Variants in EYS observed in about 807,000 individuals in gnomAD.
EYS encodes protein eyes shut homolog.
In EYS, 250 loss-of-function variants were observed where a neutral mutation model predicts 282.1. The observed-to-expected ratio is 0.89, with a 90% CI of 0.80 to 0.98. The LOEUF is 0.98. EYS is among the 50% of genes least tolerant of loss of function. The pLI is 0.00. For synonymous variants in EYS, 1,355 were observed against 1,282.9 expected (o/e 1.06, Z -1.20); for missense variants, 4,016 against 3,709.0 (o/e 1.08, Z -2.15).
intron 26 of EYS, among the ~76,000 whole-genome samples, chr6:64,443,494 A>T (rs901278061): frequency 1.3e-5 from 2 of 152,160 alleles, no homozygotes; most frequent in African/African-American, 4.8e-5. Context: ...AGTTTTGGGA[A>T]GGGCCAGGTG....
intron 2 of EYS, among the ~76,000 whole-genome samples, chr6:65,632,517 G>A (rs1361407735): frequency 6.6e-6 from 1 of 152,068 alleles, no homozygotes; most frequent in African/African-American, 2.4e-5. Context: ...CCTTGGTGCG[G>A]GTGAGCATGT....
At chr6:65,228,477 T>C (rs1766685629) in intron 12 of EYS, among the ~76,000 whole-genome samples, 1 of 152,032 alleles carries the variant, frequency 6.6e-6, no homozygotes, top group Admixed American at 6.6e-5. Flanking sequence ...ATAGATATAT[T>C]GTGGTCATGG....
chr6:64,837,732 G>A (rs1051389607), intron 19 of EYS, among the ~76,000 whole-genome samples: 3 of 147,468 alleles, frequency 2.0e-5, no homozygotes, highest in African/African-American at 5.0e-5. Flanking sequence ...AAAACTTTTG[G>A]AATCAACATA....
chr6:64,438,067 T>C (rs1188337876), intron 27 of EYS, among the ~76,000 whole-genome samples: 1 of 151,684 alleles, frequency 6.6e-6, no homozygotes, highest in African/African-American at 2.4e-5. Flanking sequence ...AGCAGGGATA[T>C]GAGAAAATTT....
chr6:64,250,999 A>G (rs1397098495), intron 30 of EYS, among the ~76,000 whole-genome samples: 1 of 152,182 alleles, frequency 6.6e-6, no homozygotes, highest in Non-Finnish European at 1.5e-5. Context: ...GGGAAAGGAC[A>G]GTTCATAGAT....
At chr6:63,775,942 G>A (rs1170300750) in intron 40 of EYS, among the ~76,000 whole-genome samples, 5 of 152,130 alleles carry the variant, frequency 3.3e-5, no homozygotes, top group African/African-American at 1.2e-4. Flanking sequence ...TGGCTCTGTA[G>A]TATATCTTCA....
intron 26 of EYS, among the ~76,000 whole-genome samples, chr6:64,551,203 CATAT>C (rs112621961): frequency 6.8e-6 from 1 of 147,712 alleles, no homozygotes. Context: ...TATATACACA[CATAT>C]ATATATATAC....
intron 12 of EYS, among the ~76,000 whole-genome samples, chr6:65,225,884 C>T (rs972100863): frequency 1.3e-5 from 2 of 151,956 alleles, no homozygotes; most frequent in Non-Finnish European, 2.9e-5. Context: ...TACAAGGGAA[C>T]TTCTTTAACA....
At chr6:64,409,011 T>C (rs1773805614) in intron 28 of EYS, among the ~76,000 whole-genome samples, 1 of 152,124 alleles carries the variant, frequency 6.6e-6, no homozygotes, top group Admixed American at 6.6e-5. Flanking sequence ...GTGTACTCAT[T>C]GTTTAGCTCT....
chr6:64,375,510 C>T (rs1379043767), intron 29 of EYS, among the ~76,000 whole-genome samples: 1 of 152,174 alleles, frequency 6.6e-6, no homozygotes, highest in Non-Finnish European at 1.5e-5. Context: ...CAGAGTTTAA[C>T]CTAGGCTTGC....
intron 11 of EYS, among the ~76,000 whole-genome samples, chr6:65,309,741 G>A (rs1350745312): frequency 1.4e-4 from 22 of 152,192 alleles, no homozygotes; most frequent in African/African-American, 4.1e-4. Context: ...CAAGCTTCCC[G>A]GTAAAAATTC....
At chr6:65,613,434 T>C (rs1453804577) in intron 2 of EYS, among the ~76,000 whole-genome samples, 2 of 151,814 alleles carry the variant, frequency 1.3e-5, no homozygotes, top group African/African-American at 2.4e-5. Context: ...ATCTGCAGTG[T>C]GGGAAATCTG....
chr6:64,672,289 A>G (rs1475281159), intron 22 of EYS, among the ~76,000 whole-genome samples: 4 of 152,210 alleles, frequency 2.6e-5, no homozygotes, highest in Admixed American at 2.6e-4. Flanking sequence ...CAAGACTCAA[A>G]TGCATTAGCC....
At chr6:64,643,122 C>CCA (rs1554188072) in intron 22 of EYS, among the ~76,000 whole-genome samples, 22 of 146,808 alleles carry the variant, frequency 1.5e-4, no homozygotes, top group East Asian at 6.2e-4. Context: ...TCCCCCCCCC[C>CCA]AAAAAAAAAC....
At chr6:64,884,714 A>G (rs1767033325) in intron 19 of EYS, among the ~76,000 whole-genome samples, 1 of 151,638 alleles carries the variant, frequency 6.6e-6, no homozygotes, top group Non-Finnish European at 1.5e-5. Context: ...AATACATGTA[A>G]CTTTCTTGAG....
chr6:65,125,463 A>G (rs1375039684), intron 12 of EYS, among the ~76,000 whole-genome samples: 1 of 152,310 alleles, frequency 6.6e-6, no homozygotes, highest in African/African-American at 2.4e-5. Flanking sequence ...ATTATGATGA[A>G]GTTATCAATG....
In EYS at chr6:64,452,488, C is replaced by G. The variant is rs144667241; in HGVS notation, c.5645-13136G>C. Reference sequence around the variant, plus strand: ...CTATCAAGCTACCAATGGCTTTCTTCACAGAATTGGAAAAAACTACTTTCA... The same window carrying G: ...CTATCAAGCTACCAATGGCTTTCTTGACAGAATTGGAAAAAACTACTTTCA... On this transcript the variant is annotated intron_variant, in intron 26 of 42. Coordinates refer to ENST00000503581, the MANE Select transcript of EYS (RefSeq NM_001142800.2). Among the ~76,000 whole-genome samples the G allele has an allele frequency of 8.1e-3, 1,239 of 152,232 alleles. 19 individuals carry two copies. The highest frequency in any genetic ancestry group is 0.049 in the East Asian group (251 of 5,172).
chr6:64,988,493 A>G (rs1007437411), intron 14 of EYS, among the ~76,000 whole-genome samples: 6 of 151,558 alleles, frequency 4.0e-5, no homozygotes, highest in African/African-American at 1.5e-4. Context: ...AAAGACGTAC[A>G]GGTAAACACC....
At chr6:64,661,586 C>T (rs1769023359) in intron 22 of EYS, among the ~76,000 whole-genome samples, 2 of 151,830 alleles carry the variant, frequency 1.3e-5, no homozygotes. Context: ...TATGAACAGA[C>T]ACTTCTCAAA....
Sources: allele counts gnomAD v4.1 joint callset (sites outside exome capture counted in the v4.1 genomes callset), GRCh38; gene constraint gnomAD v4.1.1; transcripts MANE v1.5; gene names NCBI Gene and HGNC (gene_info 2026-07-23, HGNC 2026-07-21).